The following SIPA1L2 variants were observed in gnomAD, a reference collection of about 807,000 sequenced individuals.
The protein encoded by SIPA1L2 is signal-induced proliferation-associated 1-like protein 2.
In SIPA1L2, 56 loss-of-function variants were observed where a neutral mutation model predicts 163.9. That is an observed-to-expected ratio of 0.34 (90% CI 0.28 to 0.43). SIPA1L2 has a LOEUF of 0.43. Among genes scored for constraint, SIPA1L2 ranks in the 20% least tolerant of loss-of-function variants. The pLI is 1.00. For missense variants in SIPA1L2, 1,974 were observed against 2,193.5 expected, an observed-to-expected ratio of 0.90 and a Z score of 2.00; for synonymous variants, 877 against 865.7, an observed-to-expected ratio of 1.01 and a Z score of -0.23.
At chr1:232,608,199 C>A (rs1662065857) in intron 1 of SIPA1L2, among the ~76,000 whole-genome samples, 1 of 152,150 alleles carries the variant, frequency 6.6e-6, no homozygotes, top group Non-Finnish European at 1.5e-5. Flanking sequence ...GCATACATCA[C>A]CACACCCCAC....
At chr1:232,535,554 A>G (rs1657251442) in intron 2 of SIPA1L2, among the ~76,000 whole-genome samples, 1 of 152,246 alleles carries the variant, frequency 6.6e-6, no homozygotes. Flanking sequence ...AAAAGTTTTC[A>G]GTTACAAATG....
chr1:232,425,919 G>A, intron 17 of SIPA1L2, 111 bp from the exon 18 acceptor site: 2 of 946,056 alleles, frequency 2.1e-6, no homozygotes, highest in African/African-American at 3.3e-5. Context: ...GCTTCTTTGA[G>A]TTTTCTCTGT....
chr1:232,503,253 G>A (rs1666568576), intron 3 of SIPA1L2, among the ~76,000 whole-genome samples: 1 of 152,160 alleles, frequency 6.6e-6, no homozygotes, highest in Non-Finnish European at 1.5e-5. Flanking sequence ...CAAGATCGCA[G>A]TGCAGGAAAT....
Position 232,515,206 on chromosome 1 carries a change from A to G in SIPA1L2, c.134T>C (p.Met45Thr). 1 of 1,614,206 alleles carries G rather than the reference A, an allele frequency of 6.2e-7. No individual in the cohort carries two copies. Among genetic ancestry groups the G allele is most frequent in the Non-Finnish European group, 8.5e-7 (1 of 1,180,030 alleles). ...ARKFKAINGN[M>T]GPTTSLNASN... Reference sequence around the variant, plus strand: ...GGCATTTAAAGAAGTAGTGGGTCCCATGTTGCCATTAATGGCTTTAAATTT... The same window carrying G: ...GGCATTTAAAGAAGTAGTGGGTCCCGTGTTGCCATTAATGGCTTTAAATTT... The change falls in exon 3 of 23, where the codon ATG (methionine) becomes ACG (threonine). Residue 45 changes from methionine (M) to threonine (T), a missense_variant. By Grantham distance (81) the Met-to-Thr change is moderately conservative. Coordinates refer to ENST00000674635, the MANE Select transcript of SIPA1L2 (RefSeq NM_020808.5).
intron 1 of SIPA1L2, among the ~76,000 whole-genome samples, chr1:232,621,709 C>T (rs1235037253): frequency 6.6e-6 from 1 of 152,010 alleles, no homozygotes; most frequent in Non-Finnish European, 1.5e-5. Context: ...ACATTAGTCT[C>T]CTTCACTTAT....
At chr1:232,481,263 G>A (rs10910540) in intron 6 of SIPA1L2, among the ~76,000 whole-genome samples, 36,731 of 152,128 alleles carry the variant, frequency 0.24, 4,629 homozygotes, top group Admixed American at 0.34. Flanking sequence ...ACAGTTTACA[G>A]TCTCAGGGCA....
intron 3 of SIPA1L2, among the ~76,000 whole-genome samples, chr1:232,495,322 G>T (rs1287531752): frequency 6.6e-6 from 1 of 152,176 alleles, no homozygotes; most frequent in Non-Finnish European, 1.5e-5. Flanking sequence ...CCAGCACTTT[G>T]GGAGGCCGAG....
intron 10 of SIPA1L2, among the ~76,000 whole-genome samples, chr1:232,457,184 G>GT (rs1558191705): frequency 6.6e-6 from 1 of 152,052 alleles, no homozygotes; most frequent in East Asian, 1.9e-4. Flanking sequence ...ACTAAAGACT[G>GT]CATTTATTCC....
chr1:232,613,311 C>T (rs1222954634), intron 1 of SIPA1L2, among the ~76,000 whole-genome samples: 1 of 152,164 alleles, frequency 6.6e-6, no homozygotes, highest in South Asian at 2.1e-4. Context: ...AATGTCTCTA[C>T]CCAGAAAGAT....
chr1:232,520,256 A>T (rs1469975465), intron 2 of SIPA1L2, among the ~76,000 whole-genome samples: 1 of 152,250 alleles, frequency 6.6e-6, no homozygotes. Context: ...CAGTAAAAAT[A>T]AATAATTATC....
rs547525156 is a variant in SIPA1L2, at chr1:232,421,620, C to T, written c.4630+3969G>A. 3.3e-5 allele frequency among the ~76,000 whole-genome samples: 5 copies of T among 152,294 alleles called. No homozygotes were observed. The East Asian group carries it at 9.6e-4, about 29-fold the overall frequency. On this transcript the variant is annotated intron_variant, in intron 18 of 22. Coordinates refer to ENST00000674635, the MANE Select transcript of SIPA1L2 (RefSeq NM_020808.5). ...GTTTGCAGATGGATGGATACCTTGC[C>T]ATGCCACCCTTGGCAAAGATTCTTC...
chr1:232,571,281 A>G (rs1041743346), intron 2 of SIPA1L2, among the ~76,000 whole-genome samples: 4 of 152,210 alleles, frequency 2.6e-5, no homozygotes, highest in African/African-American at 4.8e-5. Context: ...AAACCAGACA[A>G]TGAGAAGATG....
At chr1:232,549,592 C>T (rs1658259823) in intron 2 of SIPA1L2, among the ~76,000 whole-genome samples, 2 of 152,004 alleles carry the variant, frequency 1.3e-5, no homozygotes, top group African/African-American at 2.4e-5. Flanking sequence ...GGGAAATTTC[C>T]GTTAAGTGGG....
At chr1:232,413,638 C>A (rs569293682) in intron 19 of SIPA1L2, among the ~76,000 whole-genome samples, 1 of 152,314 alleles carries the variant, frequency 6.6e-6, no homozygotes, top group Admixed American at 6.5e-5. Context: ...TACCTACTTA[C>A]TCCTTGTTAC....
intron 1 of SIPA1L2, among the ~76,000 whole-genome samples, chr1:232,582,773 G>A (rs1022895700): frequency 3.9e-5 from 6 of 152,158 alleles, no homozygotes; most frequent in Non-Finnish European, 7.3e-5. Context: ...CCCCAACAGT[G>A]TATAAGGGTT....
Position 232,415,589 on chromosome 1 carries a change from T to G in SIPA1L2, c.4667A>C (p.Lys1556Thr). 1 of 1,613,986 alleles carries G rather than the reference T, an allele frequency of 6.2e-7. No homozygotes were observed. Among genetic ancestry groups the G allele is most frequent in the South Asian group, 1.1e-5 (1 of 91,026 alleles). ...CAGGCCAGGATCTGCGCACTTGGAC[T>G]TATCTGATAAGGACCCATCGGAGAA... ...FWFSDGSLSDKSKCADPGLMP... is the reference protein window; with the variant it reads ...FWFSDGSLSDTSKCADPGLMP... Residue 1556 changes from lysine (K) to threonine (T), a missense_variant, in exon 19 of 23, where the codon AAG becomes ACG. By Grantham distance (78) the Lys-to-Thr change is moderately conservative. This residue lies in a region of SIPA1L2 where 1,079 missense variants were observed against 1,150.7 expected (regional missense o/e 0.94). Coordinates refer to ENST00000674635, the MANE Select transcript of SIPA1L2 (RefSeq NM_020808.5).
chr1:232,403,332 G>C, intron 21 of SIPA1L2, 116 bp downstream of exon 21: 1 of 1,333,780 alleles, frequency 7.5e-7, no homozygotes, highest in Non-Finnish European at 1.0e-6. Context: ...TTCAGGACTG[G>C]GAAAGGGCAT....
At chr1:232,562,827 T>C (rs1360668803) in intron 2 of SIPA1L2, among the ~76,000 whole-genome samples, 5 of 152,178 alleles carry the variant, frequency 3.3e-5, no homozygotes, top group African/African-American at 1.2e-4. Context: ...GTGTTCACTT[T>C]TTTCCCCTTA....
chr1:232,601,829 A>G (rs912428504), intron 1 of SIPA1L2, among the ~76,000 whole-genome samples: 5 of 152,240 alleles, frequency 3.3e-5, no homozygotes, highest in Admixed American at 6.5e-5. Flanking sequence ...TGTAAAAGGT[A>G]TATCAAACTA....
Sources: allele counts gnomAD v4.1 joint callset (sites outside exome capture counted in the v4.1 genomes callset), GRCh38; gene constraint gnomAD v4.1.1; regional missense constraint gnomAD v4.1.1; transcripts MANE v1.5; gene names NCBI Gene and HGNC (gene_info 2026-07-23, HGNC 2026-07-21).